PPP2R2B: variants seen among roughly 807,000 people sequenced by gnomAD.
The protein encoded by PPP2R2B is serine/threonine-protein phosphatase 2A 55 kDa regulatory subunit B beta isoform.
PPP2R2B carries 5 observed loss-of-function variants against 46.0 expected under a neutral mutation model. That is an observed-to-expected ratio of 0.11 (90% CI 0.06 to 0.23). The LOEUF is 0.23. PPP2R2B is among the 10% of genes least tolerant of loss of function. PPP2R2B has a pLI of 1.00. For synonymous variants in PPP2R2B, 215 were observed against 206.7 expected (o/e 1.04, Z -0.34); for missense variants, 367 against 575.0 (o/e 0.64, Z 3.70).
chr5:146,787,524 C>T (rs1755917547), intron 2 of PPP2R2B, among the ~76,000 whole-genome samples: 1 of 151,922 alleles, frequency 6.6e-6, no homozygotes, highest in South Asian at 2.1e-4. Context: ...CTCCTCTCCT[C>T]TCTTTTCTCC....
At chr5:146,987,361 C>A (rs1166738544) in intron 1 of PPP2R2B, among the ~76,000 whole-genome samples, 3 of 151,958 alleles carry the variant, frequency 2.0e-5, no homozygotes, top group Non-Finnish European at 4.4e-5. Flanking sequence ...ATACTGTAAC[C>A]ACCCATATCT....
At chr5:146,844,257 G>A (rs1206701059) in intron 2 of PPP2R2B, among the ~76,000 whole-genome samples, 1 of 150,014 alleles carries the variant, frequency 6.7e-6, no homozygotes, top group East Asian at 2.0e-4. Context: ...AATGCTAGAT[G>A]ACACGTTAGT....
At chr5:146,650,401 C>A in intron 6 of PPP2R2B, 146 bp downstream of exon 6, 1 of 682,134 alleles carries the variant, frequency 1.5e-6, no homozygotes, top group East Asian at 2.8e-5. Context: ...ATTAAAGAGT[C>A]TCATAGGTGC....
At chr5:146,733,077 G>T (rs909311891) in intron 2 of PPP2R2B, among the ~76,000 whole-genome samples, 4 of 152,150 alleles carry the variant, frequency 2.6e-5, no homozygotes, top group Non-Finnish European at 4.4e-5. Context: ...GAGAATATGG[G>T]CCGAATTTGG....
upstream of PPP2R2B, chr5:147,056,094 G>A (rs1012858275): frequency 3.4e-5 from 36 of 1,062,836 alleles, no homozygotes; most frequent in Admixed American, 3.2e-4. Flanking sequence ...ACCTTTTCCC[G>A]TGTGGTGAGT....
chr5:146,862,792 G>A (rs1381115140), intron 2 of PPP2R2B, among the ~76,000 whole-genome samples: 4 of 145,408 alleles, frequency 2.8e-5, no homozygotes, highest in African/African-American at 7.6e-5. Flanking sequence ...TTTTCAGCAT[G>A]TGCCAATGTC....
chr5:146,977,863 T>C (rs1227011539), intron 1 of PPP2R2B, among the ~76,000 whole-genome samples: 1 of 152,250 alleles, frequency 6.6e-6, no homozygotes. Flanking sequence ...TATAGTAGAA[T>C]GATTTATAAT....
At chr5:146,857,819 C>T (rs553884079) in intron 2 of PPP2R2B, among the ~76,000 whole-genome samples, 1 of 152,186 alleles carries the variant, frequency 6.6e-6, no homozygotes, top group South Asian at 2.1e-4. Flanking sequence ...TCCCTAGTAG[C>T]TGGGATTACA....
At chr5:146,635,826 G>A (rs1774780843) in intron 7 of PPP2R2B, among the ~76,000 whole-genome samples, 1 of 152,166 alleles carries the variant, frequency 6.6e-6, no homozygotes, top group Non-Finnish European at 1.5e-5. Flanking sequence ...CTGCTTATGT[G>A]TCAGGGGTTC....
At chr5:146,838,334 G>A (rs1759419843) in intron 2 of PPP2R2B, among the ~76,000 whole-genome samples, 2 of 152,134 alleles carry the variant, frequency 1.3e-5, no homozygotes, top group East Asian at 1.9e-4. Flanking sequence ...CACTTTGGGA[G>A]GCCAAGGTGG....
chr5:147,077,239 ATATACATATACGT>A (rs1283472073), intron 2 of PPP2R2B, among the ~76,000 whole-genome samples: 5 of 146,314 alleles, frequency 3.4e-5, no homozygotes, highest in Non-Finnish European at 6.0e-5. Context: ...TAAATATAAT[ATATACATATACGT>A]TATACATATA....
intron 8 of PPP2R2B, among the ~76,000 whole-genome samples, chr5:146,599,859 A>C (rs968430614): frequency 2.0e-5 from 3 of 152,030 alleles, no homozygotes; most frequent in African/African-American, 7.3e-5. Context: ...CCATGTGAAC[A>C]CACTATTTTA....
At chr5:146,697,448 AG>A (rs1779241537) in intron 4 of PPP2R2B, among the ~76,000 whole-genome samples, 1 of 152,224 alleles carries the variant, frequency 6.6e-6, no homozygotes, top group Non-Finnish European at 1.5e-5. Flanking sequence ...TTAAGTATGG[AG>A]GGAGATAGGA....
At chr5:147,005,255 T>C (rs1754381635) in intron 1 of PPP2R2B, among the ~76,000 whole-genome samples, 1 of 152,130 alleles carries the variant, frequency 6.6e-6, no homozygotes, top group African/African-American at 2.4e-5. Context: ...TGGAAGTTCA[T>C]TTGTGGAGAA....
rs78749196 is a variant in PPP2R2B, at chr5:146,805,442, T to C, written c.70+72560A>G. Among the ~76,000 whole-genome samples, 9 of 152,334 alleles carry C rather than the reference T, an allele frequency of 5.9e-5. No homozygotes were observed. In the East Asian group the frequency reaches 1.5e-3, roughly 26 times the overall value. On this transcript the variant is annotated intron_variant, in intron 2 of 9. Coordinates refer to ENST00000394411, the MANE Select transcript of PPP2R2B (RefSeq NM_181675.4). ...CCTGGTCTAGCTCTTTGTTGTCTAA[T>C]TGCAACAAAAATCAATGGTTTTGAA...
At chr5:146,702,457 A>G (rs1779596453) in intron 2 of PPP2R2B, among the ~76,000 whole-genome samples, 1 of 152,122 alleles carries the variant, frequency 6.6e-6, no homozygotes, top group Non-Finnish European at 1.5e-5. Flanking sequence ...CTAGATAGCA[A>G]ATACAAAGGC....
In PPP2R2B at chr5:146,588,739, T is replaced by TGTCA. The variant is rs1257360392; in HGVS notation, c.*1204_*1207dup. On this transcript the variant is annotated 3_prime_UTR_variant, in exon 10 of 10. Coordinates refer to ENST00000394411, the MANE Select transcript of PPP2R2B (RefSeq NM_181675.4). ...CTTCAAGTGGACTTCATTCACTTCA[T>TGTCA]GTCACAGCTGCTTGATTTCCCCACA... is the stretch of plus-strand genomic sequence containing the variant. 1 of 152,236 alleles carries TGTCA rather than the reference T, an allele frequency of 6.6e-6. No homozygotes were observed. Among genetic ancestry groups the TGTCA allele is most frequent in the African/African-American group, 2.4e-5 (1 of 41,478 alleles). The allele number at this position is 152,236 out of a possible 1,614,324, so 9.4% of individuals were successfully genotyped here.
Position 146,994,250 on chromosome 5 carries a change from G to C in PPP2R2B, c.79+61415C>G, listed in dbSNP as rs999494619. Among the ~76,000 whole-genome samples, 3 of 152,254 alleles carry C rather than the reference G, an allele frequency of 2.0e-5. No individual in the cohort carries two copies. In the East Asian group the frequency reaches 5.8e-4, roughly 29 times the overall value. On this transcript the variant is annotated intron_variant, in intron 1 of 8. Transcript: ENST00000336640. ...TAGTGAGGATATTTTGCAGGGAACT[G>C]GGGACAAGGGTGAAGGCTCAGAGAG...
intron 1 of PPP2R2B, among the ~76,000 whole-genome samples, chr5:146,930,556 T>A (rs1410127178): frequency 2.0e-5 from 3 of 152,100 alleles, no homozygotes. Flanking sequence ...TCAGGGAGAA[T>A]TGACTAGCCT....
Sources: gnomAD v4.1 joint callset for allele counts (sites outside exome capture counted in the v4.1 genomes callset) on GRCh38, gnomAD v4.1.1 for gene constraint, MANE v1.5 for transcripts, NCBI Gene and HGNC (gene_info 2026-07-23, HGNC 2026-07-21) for gene names.